PTPRB: variants seen among roughly 807,000 people sequenced by gnomAD.
The protein encoded by PTPRB is receptor-type tyrosine-protein phosphatase beta.
A neutral mutation model predicts 238.1 loss-of-function variants in PTPRB; 97 were observed. The ratio of observed to expected loss-of-function variants is 0.41; its 90% CI spans 0.35 to 0.48. The LOEUF is 0.48. Ranked by LOEUF, PTPRB falls within the 20% of genes least tolerant of loss-of-function variation. The probability of loss-of-function intolerance (pLI) is 0.30; values close to 1 mark genes in which losing one functional copy is unlikely to be tolerated. For missense variants in PTPRB, 2,292 were observed against 2,681.9 expected (o/e 0.85, Z 3.21); for synonymous variants, 970 against 995.4 (o/e 0.97, Z 0.48).
rs1402090426 is a variant in PTPRB at position 70,519,726 on chromosome 12, A to G, written c.*1763T>C. ...GGTGGTACATCTACTGCACTTACAC[A>G]TATGTTGTTCCTTTTCATTTCCAGA... On this transcript the variant is annotated 3_prime_UTR_variant, in exon 34 of 34. Transcript: ENST00000334414. 6.5e-6 allele frequency: 1 copy of G among 152,898 alleles called. No individual in the cohort carries two copies. The highest frequency in any genetic ancestry group is 1.5e-5 in the Non-Finnish European group (1 of 68,646). The allele number at this position is 152,898 out of a possible 1,614,324, so 9.5% of individuals were successfully genotyped here. A position where few individuals can be genotyped will look rare whatever the true frequency, so the allele number is the denominator to read the frequency against.
rs1871410465 is a variant in PTPRB, at chr12:70,519,095, G to A, written c.*2394C>T. 3 of 152,144 alleles carry A rather than the reference G, an allele frequency of 2.0e-5. No individual in the cohort carries two copies. Among genetic ancestry groups the A allele is most frequent in the Admixed American group, 2.0e-4 (3 of 15,274 alleles). 9.4% of individuals were successfully genotyped at this position (152,144 alleles called of 1,614,324 possible). A position where few individuals can be genotyped will look rare whatever the true frequency, so the allele number is the denominator to read the frequency against. ...TGTTGCTAAGAAGGTTTAAAATTAG[G>A]TGTAGGGTAGGAATAAACATTTCCT... is the stretch of plus-strand genomic sequence containing the variant. On this transcript the variant is annotated 3_prime_UTR_variant, in exon 34 of 34. Coordinates refer to ENST00000334414, the MANE Select transcript of PTPRB (RefSeq NM_001109754.4).
intron 2 of PTPRB, 78 bp downstream of exon 2, chr12:70,635,593 C>CAAAT: frequency 6.8e-7 from 1 of 1,476,780 alleles, no homozygotes; most frequent in South Asian, 1.3e-5. Flanking sequence ...GTAAAACAAA[C>CAAAT]AAACAAACAA....
chr12:70,618,400 G>A (rs1884772992), intron 3 of PTPRB, among the ~76,000 whole-genome samples: 1 of 152,172 alleles, frequency 6.6e-6, no homozygotes, highest in Non-Finnish European at 1.5e-5. Flanking sequence ...GTAAACCACT[G>A]CATCAGGCCT....
intron 32 of PTPRB, among the ~76,000 whole-genome samples, chr12:70,524,847 ATATG>A (rs1214770572): frequency 7.3e-6 from 1 of 136,886 alleles, no homozygotes; most frequent in African/African-American, 3.5e-5. Flanking sequence ...ATGTGTGTAT[ATATG>A]TGTGTATATG....
rs1873458897 is a variant in PTPRB, at chr12:70,532,630, T to C, written c.6369-460A>G. On this transcript the variant is annotated intron_variant, in intron 31 of 33. Transcript: ENST00000334414. The stretch of plus-strand genomic sequence containing the variant: ...CTTTCCTTCCTTCTTTCTTTCTCTC[T>C]CCTTCCTTCCTCCCTCCCTCTTTCC... Among the ~76,000 whole-genome samples the C allele has an allele frequency of 1.3e-5, 2 of 152,028 alleles. 1 individual carries two copies. Among genetic ancestry groups the C allele is most frequent in the South Asian group, 4.1e-4 (2 of 4,820 alleles).
chr12:70,541,060 C>A (rs1360389112), intron 22 of PTPRB, 103 bp from the exon 23 acceptor site: 2 of 933,822 alleles, frequency 2.1e-6, no homozygotes. Context: ...AATGTTATTA[C>A]AAATAGAATT....
rs1018646156 is a variant in PTPRB, at chr12:70,532,049, T to C, written c.6490A>G (p.Met2164Val). ...ATAACTCTTACCTCAGTCTGGACCATGTGAACCCTGTGAAGTCTTAGGTCG... is the reference window on the plus strand; with the variant it reads ...ATAACTCTTACCTCAGTCTGGACCACGTGAACCCTGTGAAGTCTTAGGTCG... ...VHDLRLHRVH[M>V]VQTECQYVYL... Residue 2164 changes from methionine to valine, a missense_variant, in exon 32 of 34, where the codon ATG becomes GTG. Physicochemically the swap from Met to Val is conservative, Grantham distance 21 (BLOSUM62 1). Coordinates refer to ENST00000334414, the MANE Select transcript of PTPRB (RefSeq NM_001109754.4). 6.2e-6 allele frequency: 10 copies of C among 1,613,848 alleles called. No individual in the cohort carries two copies. The highest frequency in any genetic ancestry group is 1.7e-5 in the Admixed American group (1 of 59,988).
In PTPRB at chr12:70,559,540, G is replaced by C; in HGVS notation, c.4517C>G (p.Thr1506Arg). ...CTGCAGCTCAAAGTCGTTGTAGTCT[G>C]TCCAGTCTGGGGGCCCTTTCCACGT... ...AITWKGPPDWTDYNDFELQWL... is the reference protein window; with the variant it reads ...AITWKGPPDWRDYNDFELQWL... Residue 1506 changes from threonine to arginine, a missense_variant, in exon 18 of 34, where the codon ACA becomes AGA. Physicochemically the swap from Thr to Arg is moderately conservative, Grantham distance 71 (BLOSUM62 -1). Around this residue, in one of 4 missense-constraint regions of PTPRB, gnomAD observed 683 missense variants for 862.0 expected, o/e 0.79. Coordinates refer to ENST00000334414, the MANE Select transcript of PTPRB (RefSeq NM_001109754.4). 6.2e-7 allele frequency: 1 copy of C among 1,613,972 alleles called. No homozygotes were observed. Among genetic ancestry groups the C allele is most frequent in the Non-Finnish European group, 8.5e-7 (1 of 1,179,856 alleles).
intron 4 of PTPRB, among the ~76,000 whole-genome samples, chr12:70,598,015 A>T (rs546039971): frequency 5.0e-4 from 76 of 152,362 alleles, no homozygotes; most frequent in Non-Finnish European, 8.7e-4. Context: ...TTAGCTGACA[A>T]GCAAGCTGAG....
At chr12:70,554,292 G>A (rs1197334637) in intron 20 of PTPRB, among the ~76,000 whole-genome samples, 1 of 152,126 alleles carries the variant, frequency 6.6e-6, no homozygotes, top group Non-Finnish European at 1.5e-5. Context: ...AAAATTATTA[G>A]GGATGCTTAA....
chr12:70,553,535 G>C (rs946698980), intron 20 of PTPRB, among the ~76,000 whole-genome samples: 1 of 152,156 alleles, frequency 6.6e-6, no homozygotes, highest in Non-Finnish European at 1.5e-5. Context: ...CTGTTATCTT[G>C]AGTACAGTTT....
intron 4 of PTPRB, among the ~76,000 whole-genome samples, chr12:70,605,884 G>A (rs1184147178): frequency 6.6e-6 from 1 of 152,000 alleles, no homozygotes; most frequent in Admixed American, 6.6e-5. Context: ...GTCTTCAAAA[G>A]TGCCAAGTTT....
intron 10 of PTPRB, among the ~76,000 whole-genome samples, chr12:70,580,426 GT>G (rs1436714477): frequency 6.6e-6 from 1 of 152,192 alleles, no homozygotes; most frequent in East Asian, 1.9e-4. Context: ...ATCCATTATT[GT>G]TTACCTTAAC....
At chr12:70,576,724 C>A in intron 10 of PTPRB, 79 bp from the exon 11 acceptor site, 1 of 753,548 alleles carries the variant, frequency 1.3e-6, no homozygotes. Flanking sequence ...AAGTTTGAGT[C>A]GTCTATTGCA....
intron 2 of PTPRB, among the ~76,000 whole-genome samples, chr12:70,625,847 G>A (rs752816309): frequency 6.6e-6 from 1 of 152,034 alleles, no homozygotes; most frequent in Non-Finnish European, 1.5e-5. Context: ...AGGTAAGGTC[G>A]ACCATTCTTG....
chr12:70,539,077 G>T, intron 26 of PTPRB, 63 bp from the exon 27 acceptor site: 3 of 1,249,618 alleles, frequency 2.4e-6, no homozygotes, highest in Non-Finnish European at 3.5e-6. Flanking sequence ...AAATCATACA[G>T]TCCTGGAGAT....
In PTPRB at chr12:70,538,115, A is replaced by C. The variant is rs752663116; in HGVS notation, c.5946+40T>G. The C allele has an allele frequency of 1.9e-6, 3 of 1,544,820 alleles. No homozygotes were observed. The South Asian group carries it at 3.5e-5, about 18-fold the overall frequency. The stretch of plus-strand genomic sequence containing the variant: ...GCATCTCCAGTGTAGCCACCCACCA[A>C]AGCCTCATCCTGAACACTATGGCCT... On this transcript the variant is annotated intron_variant, in intron 28 of 33. Coordinates refer to ENST00000334414, the MANE Select transcript of PTPRB (RefSeq NM_001109754.4).
intron 11 of PTPRB, among the ~76,000 whole-genome samples, chr12:70,575,779 C>T (rs1421824041): frequency 2.6e-5 from 4 of 152,124 alleles, no homozygotes; most frequent in Non-Finnish European, 1.5e-5. Context: ...TAATTCTTTC[C>T]AGCACATTGG....
At chr12:70,593,325 C>T (rs2136469268) in intron 6 of PTPRB, among the ~76,000 whole-genome samples, 1 of 151,928 alleles carries the variant, frequency 6.6e-6, no homozygotes, top group South Asian at 2.1e-4. Context: ...CCAGCCTGGC[C>T]AACATGGTGA....
Sources: gnomAD v4.1 joint callset for allele counts (sites outside exome capture counted in the v4.1 genomes callset) on GRCh38, gnomAD v4.1.1 for gene constraint, gnomAD v4.1.1 regional missense constraint, MANE v1.5 for transcripts, NCBI Gene and HGNC (gene_info 2026-07-23, HGNC 2026-07-21) for gene names.